COL11A1: variants seen among roughly 807,000 people sequenced by gnomAD.
COL11A1 encodes the protein collagen type XI alpha 1 chain.
A neutral mutation model predicts 265.2 loss-of-function variants in COL11A1; 74 were observed. That is an observed-to-expected ratio of 0.28 (90% CI 0.23 to 0.34). The LOEUF (loss-of-function observed/expected upper bound fraction) is 0.34. Among genes scored for constraint, COL11A1 ranks in the 10% least tolerant of loss-of-function variants. COL11A1 has a pLI of 1.00. For synonymous variants in COL11A1, 816 were observed against 727.6 expected (o/e 1.12, Z -1.96); for missense variants, 2,165 against 2,263.6 (o/e 0.96, Z 0.88).
intron 28 of COL11A1, among the ~76,000 whole-genome samples, 186 bp downstream of exon 28, chr1:102,995,678 T>G (rs1054397087): frequency 2.6e-5 from 4 of 152,070 alleles, no homozygotes; most frequent in East Asian, 1.9e-4. Flanking sequence ...GTTCTGGTAT[T>G]TAACCCTTAT....
In COL11A1 at chr1:102,890,497, G is replaced by T. The variant is rs1651614008; in HGVS notation, c.4310C>A (p.Pro1437His). 1 of 1,603,394 alleles carries T rather than the reference G, an allele frequency of 6.2e-7. No homozygotes were observed. The change falls in exon 58 of 67, where the codon CCT (proline) becomes CAT (histidine). Residue 1437 changes from proline to histidine, a missense_variant. Pro to His is a moderately conservative substitution (Grantham distance 77). Coordinates refer to ENST00000370096, the MANE Select transcript of COL11A1 (RefSeq NM_001854.4). ...QDGPPGPMGP[P>H]GLPGLKGDPG... ...GTCACCTTTGAGACCAGGTAAGCCA[G>T]GAGGTCCCTAAATAATAACAAAAAA...
chr1:102,928,955 A>T (rs1657008151), intron 46 of COL11A1, among the ~76,000 whole-genome samples: 1 of 61,684 alleles, frequency 1.6e-5, no homozygotes, highest in African/African-American at 3.3e-5. Flanking sequence ...TTTTTCTTGT[A>T]AATTTGTTTG....
At chr1:103,086,381 A>G (rs1672858488) in intron 1 of COL11A1, among the ~76,000 whole-genome samples, 2 of 152,098 alleles carry the variant, frequency 1.3e-5, no homozygotes, top group African/African-American at 2.4e-5. Context: ...AATACATAAA[A>G]TGGACTGCAA....
chr1:102,984,335 A>G (rs1663331400), intron 30 of COL11A1, 144 bp from the exon 31 acceptor site: 1 of 587,756 alleles, frequency 1.7e-6, no homozygotes, highest in Admixed American at 2.9e-5. Context: ...ATTTACCTTC[A>G]TTATATTTCT....
At chr1:102,893,961 A>G (rs1652076320) in intron 57 of COL11A1, among the ~76,000 whole-genome samples, 1 of 152,200 alleles carries the variant, frequency 6.6e-6, no homozygotes, top group Non-Finnish European at 1.5e-5. Flanking sequence ...TAATGCTATC[A>G]GATATTTTAT....
chr1:103,078,614 AT>A lies in COL11A1; in HGVS notation c.488+43del, dbSNP rs200663669. 4,321 of 1,564,784 alleles carry A rather than the reference AT, an allele frequency of 2.8e-3. 96 individuals carry two copies. The African/African-American group carries it at 0.052, about 19-fold the overall frequency. On this transcript the variant is annotated intron_variant, in intron 3 of 66. Transcript: ENST00000370096. ...TTTGTTAAGTGACTGAATAAAAAAA[AT>A]GATTTTGGCATAGCTAAAACATTGT... is the stretch of plus-strand genomic sequence containing the variant.
At chr1:103,005,740 A>G in intron 18 of COL11A1, 98 bp downstream of exon 18, 2 of 1,421,078 alleles carry the variant, frequency 1.4e-6, no homozygotes, top group Non-Finnish European at 2.0e-6. Flanking sequence ...CACAAACGTT[A>G]AAATTAATTT....
intron 46 of COL11A1, among the ~76,000 whole-genome samples, chr1:102,928,670 A>G (rs1264610783): frequency 1.3e-5 from 2 of 149,934 alleles, no homozygotes; most frequent in Non-Finnish European, 3.0e-5. Flanking sequence ...GAATCGCCAC[A>G]CTGACTTCGA....
intron 12 of COL11A1, among the ~76,000 whole-genome samples, chr1:103,015,213 T>C (rs1377363500): frequency 6.6e-6 from 1 of 151,938 alleles, no homozygotes; most frequent in African/African-American, 2.4e-5. Context: ...AAAATATGCA[T>C]TTTTTTCCCA....
intron 31 of COL11A1, among the ~76,000 whole-genome samples, chr1:102,979,945 C>T (rs935189387): frequency 1.3e-5 from 2 of 152,112 alleles, no homozygotes; most frequent in Admixed American, 1.3e-4. Context: ...AAACCTTCCT[C>T]CACTTTTTCG....
intron 7 of COL11A1, among the ~76,000 whole-genome samples, chr1:103,024,159 A>G (rs940076725): frequency 2.0e-5 from 3 of 152,032 alleles, no homozygotes; most frequent in East Asian, 1.9e-4. Context: ...TGGGGTCTCA[A>G]TCTGTCACCC....
At chr1:103,064,759 G>T (rs546367143) in intron 4 of COL11A1, among the ~76,000 whole-genome samples, 1 of 149,958 alleles carries the variant, frequency 6.7e-6, no homozygotes, top group African/African-American at 2.4e-5. Flanking sequence ...CTTGGCGAAA[G>T]GGGCTAAACT....
intron 3 of COL11A1, among the ~76,000 whole-genome samples, chr1:103,076,077 G>A (rs1671950374): frequency 5.9e-5 from 9 of 152,022 alleles, no homozygotes; most frequent in Admixed American, 5.9e-4. Context: ...CTCTAAACTT[G>A]ATATTTTTGT....
chr1:102,997,813 T>G (rs1462905403), intron 25 of COL11A1, among the ~76,000 whole-genome samples: 3 of 151,952 alleles, frequency 2.0e-5, no homozygotes, highest in Non-Finnish European at 2.9e-5. Context: ...ACTATATTTC[T>G]AGAAAAGAAA....
At chr1:102,913,725 T>G in intron 52 of COL11A1, 35 bp from the exon 53 acceptor site, 1 of 1,584,660 alleles carries the variant, frequency 6.3e-7, no homozygotes, top group South Asian at 1.1e-5. Context: ...GCAAGATATA[T>G]CTCAGTATCA....
intron 46 of COL11A1, among the ~76,000 whole-genome samples, chr1:102,926,188 C>A (rs1475641473): frequency 6.6e-6 from 1 of 152,032 alleles, no homozygotes; most frequent in Non-Finnish European, 1.5e-5. Context: ...TTGCATGGAA[C>A]TAAACACTCT....
At chr1:102,889,622 G>A (rs1191497980) in intron 58 of COL11A1, 60 bp from the exon 59 acceptor site, 1 of 1,229,882 alleles carries the variant, frequency 8.1e-7, no homozygotes, top group Non-Finnish European at 1.2e-6. Flanking sequence ...TAAAATTTTA[G>A]TTATAAAATA....
chr1:102,888,866 T>C lies in COL11A1; in HGVS notation c.4518A>G (p.Pro1506=). 6.2e-7 allele frequency: 1 copy of C among 1,612,818 alleles called. No individual in the cohort carries two copies. The highest frequency in any genetic ancestry group is 8.5e-7 in the Non-Finnish European group (1 of 1,178,840). The change falls in exon 60 of 67, where the codon CCA becomes CCG. Residue 1506 remains proline, a splice_region_variant and synonymous_variant. Coordinates refer to ENST00000370096, the MANE Select transcript of COL11A1 (RefSeq NM_001854.4). ...PLGPPGPPGL[P]GPQGPKGNKG... The stretch of plus-strand genomic sequence containing the variant: ...TAAGGTTATTTTGTCTTGTACTTAC[T>C]GGTAAACCTGGAGGACCAGGTGGAC...
chr1:102,898,991 G>T lies in COL11A1; in HGVS notation c.4090C>A (p.Pro1364Thr). 6.5e-7 allele frequency: 1 copy of T among 1,532,524 alleles called. No homozygotes were observed. Among genetic ancestry groups the T allele is most frequent in the Non-Finnish European group, 8.8e-7 (1 of 1,130,726 alleles). The allele number at this position is 1,532,524 out of a possible 1,614,324, so 94.9% of individuals were successfully genotyped here. A position where few individuals can be genotyped will look rare whatever the true frequency, so the allele number is the denominator to read the frequency against. Residue 1364 changes from proline to threonine, a missense_variant, in exon 55 of 67, where the codon CCT (proline) becomes ACT (threonine). By Grantham distance (38) the Pro-to-Thr change is conservative (BLOSUM62 -1). Transcript: ENST00000370096. ...CCCTCTGCACCTGCAGCTCCAGGAG[G>T]ACCCTATAGACATAAGATTTATTGT... Reference protein sequence around the residue: ...GPPGPPGKRGPPGAAGAEGRQ... With the variant: ...GPPGPPGKRGTPGAAGAEGRQ...
Sources: gnomAD v4.1 joint callset for allele counts (sites outside exome capture counted in the v4.1 genomes callset) on GRCh38, gnomAD v4.1.1 for gene constraint, MANE v1.5 for transcripts, NCBI Gene and HGNC (gene_info 2026-07-23, HGNC 2026-07-21) for gene names.